Variants in NFILZ observed in about 807,000 individuals in gnomAD.
NFILZ encodes NFIL3 like protein.
At chr19:8,655,637 G>C (rs2042988827) in intron 3 of NFILZ, among the ~76,000 whole-genome samples, 1 of 152,116 alleles carries the variant, frequency 6.6e-6, no homozygotes, top group Admixed American at 6.5e-5. Flanking sequence ...AGGTGAGGAC[G>C]GCATGCTGGG....
At chr19:8,633,890 CCTTCCTTCCTT>C (rs1568416456) in intron 2 of NFILZ, among the ~76,000 whole-genome samples, 7 of 105,722 alleles carry the variant, frequency 6.6e-5, no homozygotes, top group Non-Finnish European at 1.4e-4. Flanking sequence ...TTCCTTCCTT[CCTTCCTTCCTT>C]CCTTCCTTCC....
At chr19:8,645,300 ATT>A (rs35280185) in intron 3 of NFILZ, among the ~76,000 whole-genome samples, 107 of 117,946 alleles carry the variant, frequency 9.1e-4, no homozygotes, top group Middle Eastern at 5.3e-3. Context: ...CACCTGGGTG[ATT>A]TTTTTTTTTT....
chr19:8,674,532 T>C lies in NFILZ; in HGVS notation c.-163-19T>C, dbSNP rs1371105663. ...AGCCTCTAAGTCACAAAACTAAACTTTTTTTTTTTTTTTTGCAGGATTTCT... is the reference window on the plus strand; with the variant it reads ...AGCCTCTAAGTCACAAAACTAAACTCTTTTTTTTTTTTTTGCAGGATTTCT... On this transcript the variant is annotated intron_variant, in intron 3 of 5. Transcript: ENST00000691075. Among the ~76,000 whole-genome samples, 17 of 65,972 alleles carry C rather than the reference T, an allele frequency of 2.6e-4. No homozygotes were observed. The highest frequency in any genetic ancestry group is 4.2e-4 in the Non-Finnish European group (11 of 26,312). 43.3% of individuals were successfully genotyped at this position (65,972 alleles called of 152,430 possible).
At position 8,679,289 on chromosome 19, in the gene NFILZ, T is replaced by A. The variant is rs1007820706; in HGVS notation, c.*1654T>A. On this transcript the variant is annotated 3_prime_UTR_variant, in exon 6 of 6. Coordinates refer to ENST00000691075, the MANE Select transcript of NFILZ (RefSeq NM_001378600.1). ...TCTCCCATTATTATTATTATTATTA[T>A]TATTATTATTATTATTACATCAGGG... is the stretch of plus-strand genomic sequence containing the variant. 2.0e-5 allele frequency among the ~76,000 whole-genome samples: 3 copies of A among 150,928 alleles called. No individual in the cohort carries two copies. Among genetic ancestry groups the A allele is most frequent in the African/African-American group, 7.3e-5 (3 of 40,962 alleles).
intron 3 of NFILZ, among the ~76,000 whole-genome samples, chr19:8,658,889 G>A (rs1422107463): frequency 2.0e-5 from 3 of 152,108 alleles, no homozygotes; most frequent in African/African-American, 7.2e-5. Flanking sequence ...GGTCGAGGCT[G>A]CAGTGAGGTA....
At chr19:8,663,750 G>GTGTATGTGTGTA (rs1555749458) in intron 3 of NFILZ, among the ~76,000 whole-genome samples, 6 of 136,968 alleles carry the variant, frequency 4.4e-5, no homozygotes, top group Admixed American at 2.2e-4. Flanking sequence ...GTGTGTGTGT[G>GTGTATGTGTGTA]TGTGTGTGTG....
intron 3 of NFILZ, among the ~76,000 whole-genome samples, chr19:8,657,652 T>TCTACCTCTTTCTCTGTCC (rs2043011051): frequency 1.3e-5 from 2 of 152,274 alleles, no homozygotes; most frequent in South Asian, 4.1e-4. Flanking sequence ...TCTCTCCGTC[T>TCTACCTCTTTCTCTGTCC]CTACCTCTTT....
chr19:8,645,589 C>CA (rs1361826287), intron 3 of NFILZ, among the ~76,000 whole-genome samples: 1 of 152,184 alleles, frequency 6.6e-6, no homozygotes, highest in Non-Finnish European at 1.5e-5. Flanking sequence ...GAGGCAAGGA[C>CA]ATTTGCTGGG....
At chr19:8,674,421 C>A (rs2043102016) in intron 3 of NFILZ, among the ~76,000 whole-genome samples, 130 bp from the exon 4 acceptor site, 1 of 152,112 alleles carries the variant, frequency 6.6e-6, no homozygotes, top group Non-Finnish European at 1.5e-5. Context: ...TACCTTACAA[C>A]CTGGCACAGT....
intron 3 of NFILZ, among the ~76,000 whole-genome samples, chr19:8,673,052 A>G (rs1600156107): frequency 6.6e-6 from 1 of 151,990 alleles, no homozygotes; most frequent in South Asian, 2.1e-4. Flanking sequence ...AGAGGGGTGG[A>G]TGCAACTGTG....
In NFILZ at chr19:8,681,085, G is replaced by C. The variant is rs979701840; in HGVS notation, c.*3450G>C. 6.6e-6 allele frequency among the ~76,000 whole-genome samples: 1 copy of C among 152,100 alleles called. No individual in the cohort carries two copies. Among genetic ancestry groups the C allele is most frequent in the African/African-American group, 2.4e-5 (1 of 41,416 alleles). On this transcript the variant is annotated 3_prime_UTR_variant, in exon 6 of 6. Coordinates refer to ENST00000691075, the MANE Select transcript of NFILZ (RefSeq NM_001378600.1). ...CGTTTCCAAGTATATTTCTGTTGTA[G>C]TTCTCCCCTTACCTCCATCCTGTGA...
chr19:8,652,360 C>A (rs1555747787), intron 3 of NFILZ, among the ~76,000 whole-genome samples: 12 of 152,196 alleles, frequency 7.9e-5, no homozygotes. Flanking sequence ...GCCTCGGCCT[C>A]CCAAAGTGCT....
At chr19:8,641,390 G>A (rs1322672937) in intron 3 of NFILZ, among the ~76,000 whole-genome samples, 2 of 152,084 alleles carry the variant, frequency 1.3e-5, no homozygotes, top group African/African-American at 2.4e-5. Flanking sequence ...CCACATACTT[G>A]TTTAGGAATT....
At position 8,678,150 on chromosome 19, in the gene NFILZ, CG is replaced by C. The variant is rs146001938; in HGVS notation, c.*516del. On this transcript the variant is annotated 3_prime_UTR_variant, in exon 6 of 6. Coordinates refer to ENST00000691075, the MANE Select transcript of NFILZ (RefSeq NM_001378600.1). ...CCCTCCATCCATTCATCCACTTGTC[CG>C]TCCATCCATCCATCCATCCATCCAT... Among the ~76,000 whole-genome samples, 10 of 9,294 alleles carry C rather than the reference CG, an allele frequency of 1.1e-3. No individual in the cohort carries two copies. Among genetic ancestry groups the C allele is most frequent in the East Asian group, 4.1e-3 (1 of 246 alleles). The allele number at this position is 9,294 out of a possible 152,430, so 6.1% of individuals were successfully genotyped here.
chr19:8,664,823 G>C (rs1340540272), intron 3 of NFILZ, among the ~76,000 whole-genome samples: 2 of 152,122 alleles, frequency 1.3e-5, no homozygotes, highest in Non-Finnish European at 2.9e-5. Context: ...GTCTGGGCAG[G>C]AGGGGTGGAG....
At chr19:8,664,101 A>G (rs747788275) in intron 3 of NFILZ, among the ~76,000 whole-genome samples, 17 of 152,156 alleles carry the variant, frequency 1.1e-4, no homozygotes, top group Non-Finnish European at 2.1e-4. Flanking sequence ...GCATCCATGC[A>G]TAACAGCCCT....
At chr19:8,637,225 A>G (rs542314448) in intron 3 of NFILZ, among the ~76,000 whole-genome samples, 2 of 152,238 alleles carry the variant, frequency 1.3e-5, no homozygotes, top group African/African-American at 2.4e-5. Flanking sequence ...GCACACATAT[A>G]ATCTCAGCTC....
At chr19:8,655,230 T>C (rs2042986869) in intron 3 of NFILZ, among the ~76,000 whole-genome samples, 1 of 152,104 alleles carries the variant, frequency 6.6e-6, no homozygotes, top group African/African-American at 2.4e-5. Context: ...CAGGAGAGTG[T>C]CCTCAGATGT....
intron 3 of NFILZ, among the ~76,000 whole-genome samples, chr19:8,671,541 A>T (rs1312207369): frequency 6.6e-6 from 1 of 151,960 alleles, no homozygotes; most frequent in East Asian, 1.9e-4. Context: ...TCCTTTCTTT[A>T]TGTGACTACC....
Sources: allele counts gnomAD v4.1 joint callset (sites outside exome capture counted in the v4.1 genomes callset), GRCh38; gene constraint gnomAD v4.1.1; transcripts MANE v1.5; gene names NCBI Gene and HGNC (gene_info 2026-07-23, HGNC 2026-07-21).